DLGAP3: variants seen among roughly 807,000 people sequenced by gnomAD.
DLGAP3 encodes DLG associated protein 3, also known as disks large-associated protein 3.
Under a neutral mutation model 81.2 loss-of-function variants are expected in DLGAP3, and 17 were observed. The ratio of observed to expected loss-of-function variants is 0.21; its 90% CI spans 0.14 to 0.31. The LOEUF (loss-of-function observed/expected upper bound fraction) is 0.31. Among genes scored for constraint, DLGAP3 ranks in the 10% least tolerant of loss-of-function variants. The probability of loss-of-function intolerance (pLI) is 1.00; values close to 1 mark genes in which losing one functional copy is unlikely to be tolerated. For synonymous variants in DLGAP3, 577 were observed against 587.4 expected (o/e 0.98, Z 0.26); for missense variants, 1,124 against 1,388.0 (o/e 0.81, Z 3.02).
chr1:34,915,991 T>C (rs115444674), intron 1 of DLGAP3, among the ~76,000 whole-genome samples: 1,804 of 151,994 alleles, frequency 0.012, 34 homozygotes, highest in African/African-American at 0.041. Flanking sequence ...TTCCCCACAG[T>C]AGGGTAAAGA....
intron 8 of DLGAP3, among the ~76,000 whole-genome samples, chr1:34,870,370 G>GT (rs1476877336): frequency 2.0e-5 from 3 of 152,178 alleles, no homozygotes; most frequent in African/African-American, 7.2e-5. Flanking sequence ...AGAAAAGCCT[G>GT]TGTGTCCTGA....
intron 5 of DLGAP3, among the ~76,000 whole-genome samples, chr1:34,887,403 G>A (rs1412342798): frequency 7.1e-6 from 1 of 141,762 alleles, no homozygotes; most frequent in Non-Finnish European, 1.5e-5. Flanking sequence ...AGAATCCATG[G>A]TGTTAAAAAA....
chr1:34,887,866 A>G (rs1369041219), intron 5 of DLGAP3, among the ~76,000 whole-genome samples: 1 of 152,222 alleles, frequency 6.6e-6, no homozygotes, highest in African/African-American at 2.4e-5. Context: ...GGACTGAAAG[A>G]AAAACATGTG....
rs1639426974 is a variant in DLGAP3 at position 34,899,757 on chromosome 1, A to G, written c.1314-16T>C. ...GACACAGCAGCTGGAAAAGGGCAAA[A>G]TTCCGGAGTCAGAACAGTGGACTGC... On this transcript the variant is annotated splice_polypyrimidine_tract_variant and intron_variant, in intron 4 of 11. Transcript: ENST00000373347. 1 of 1,612,402 alleles carries G rather than the reference A, an allele frequency of 6.2e-7. No individual in the cohort carries two copies. Among genetic ancestry groups the G allele is most frequent in the Non-Finnish European group, 8.5e-7 (1 of 1,178,738 alleles).
At chr1:34,879,499 A>G (rs1461541136) in intron 8 of DLGAP3, among the ~76,000 whole-genome samples, 1 of 152,190 alleles carries the variant, frequency 6.6e-6, no homozygotes, top group African/African-American at 2.4e-5. Context: ...CAGGCCATGG[A>G]CAAATACCAG....
chr1:34,917,179 C>A (rs1457965145), intron 1 of DLGAP3, among the ~76,000 whole-genome samples: 1 of 152,118 alleles, frequency 6.6e-6, no homozygotes, highest in Non-Finnish European at 1.5e-5. Flanking sequence ...AACAGGTGTT[C>A]AGCCAGAGGC....
intron 1 of DLGAP3, among the ~76,000 whole-genome samples, chr1:34,908,934 AGTT>A (rs890463905): frequency 6.6e-5 from 10 of 152,212 alleles, no homozygotes; most frequent in African/African-American, 2.2e-4. Flanking sequence ...CCTCTCAAAT[AGTT>A]GTTGAAAAAG....
chr1:34,916,821 G>A (rs528759621), intron 1 of DLGAP3, among the ~76,000 whole-genome samples: 4 of 151,816 alleles, frequency 2.6e-5, no homozygotes, highest in East Asian at 3.9e-4. Flanking sequence ...TCAGCTTCCC[G>A]AGTAGCTGAG....
Position 34,900,916 on chromosome 1 carries a change from T to C in DLGAP3, c.1108-643A>G, listed in dbSNP as rs1339363802. On this transcript the variant is annotated intron_variant, in intron 3 of 11. Transcript: ENST00000373347. The surrounding 1 kb of genome is among the most constrained non-coding windows in gnomAD (Gnocchi z 5.6). ...GAGGAGGAGATGGAAATGAGAGGTG[T>C]TAAGGAGCATCAGTGAGCCTGATTA... 6.6e-6 allele frequency among the ~76,000 whole-genome samples: 1 copy of C among 151,354 alleles called. No individual in the cohort carries two copies. The highest frequency in any genetic ancestry group is 2.4e-5 in the African/African-American group (1 of 41,136).
chr1:34,906,834 G>A (rs899505606), intron 2 of DLGAP3, among the ~76,000 whole-genome samples: 7 of 152,200 alleles, frequency 4.6e-5, no homozygotes, highest in African/African-American at 1.7e-4. Context: ...ACAGGACAGA[G>A]AGGTCAGCTC....
rs781194450 is a variant in DLGAP3, at chr1:34,868,871, C to A, written c.2219G>T (p.Arg740Leu). The A allele has an allele frequency of 6.7e-5, 107 of 1,593,146 alleles. 1 individual carries two copies. Among genetic ancestry groups the A allele is most frequent in the Non-Finnish European group, 1.0e-5 (12 of 1,173,504 alleles). Reference protein sequence around the residue: ...TVHTQGQWAYREGYPLPYEPP... With the variant: ...TVHTQGQWAYLEGYPLPYEPP... ...CTCGTACGGCAGTGGGTAGCCCTCG[C>A]GGTAGGCCCACTGGCCCTGCGTGTG... The change falls in exon 9 of 12, where the codon CGC becomes CTC. Residue 740 changes from arginine (R) to leucine (L), a missense_variant. Around this residue, in one of 9 missense-constraint regions of DLGAP3, gnomAD observed 379 missense variants for 455.7 expected, o/e 0.83. Transcript: ENST00000373347. The surrounding 1 kb of genome is among the most constrained non-coding windows in gnomAD (Gnocchi z 7.5).
At chr1:34,928,578 T>C (rs1639908674) in intron 1 of DLGAP3, among the ~76,000 whole-genome samples, 1 of 152,098 alleles carries the variant, frequency 6.6e-6, no homozygotes, top group African/African-American at 2.4e-5. Flanking sequence ...AAGTGGGGAA[T>C]GATCTGACCT....
intron 1 of DLGAP3, among the ~76,000 whole-genome samples, chr1:34,913,867 C>G (rs1201587899): frequency 2.6e-5 from 4 of 152,178 alleles, no homozygotes; most frequent in African/African-American, 9.7e-5. Flanking sequence ...CTATACCCAG[C>G]CTTGTTCATG....
chr1:34,904,589 G>A lies in DLGAP3; in HGVS notation c.795C>T (p.Asp265=), dbSNP rs1449017562. 1 of 1,614,208 alleles carries A rather than the reference G, an allele frequency of 6.2e-7. No individual in the cohort carries two copies. The highest frequency in any genetic ancestry group is 8.5e-7 in the Non-Finnish European group (1 of 1,180,030). The part of the protein sequence containing the change: ...AKSTGWWSSD[D]NLDSDSGFLA... The stretch of plus-strand genomic sequence containing the variant: ...GGAAGCCGCTATCACTGTCCAAGTT[G>A]TCATCGGAACTCCACCAGCCTGTGG... The change falls in exon 3 of 12, where the codon GAC becomes GAT. Residue 265 remains aspartate, a synonymous_variant. Transcript: ENST00000373347. This position sits in a 1 kb window ranked among gnomAD's most constrained non-coding sequence, Gnocchi z 8.1.
At position 34,866,151 on chromosome 1, in the gene DLGAP3, G is replaced by T; in HGVS notation, c.2872C>A (p.His958Asn). The change falls in exon 12 of 12, where the codon CAC (histidine) becomes AAC (asparagine). Residue 958 changes from histidine to asparagine, a missense_variant. His to Asn is a moderately conservative substitution (Grantham distance 68). Coordinates refer to ENST00000373347, the MANE Select transcript of DLGAP3 (RefSeq NM_001080418.3). The part of the protein sequence containing the change: ...LAAKRAASFR[H>N]SSATESADSI... ...TCGGCGCTCTCGGTGGCCGAGCTGTGGCGGAAGGAAGCGGCGCGCTTGGCC... is the reference window on the plus strand; with the variant it reads ...TCGGCGCTCTCGGTGGCCGAGCTGTTGCGGAAGGAAGCGGCGCGCTTGGCC... 6.3e-7 allele frequency: 1 copy of T among 1,597,886 alleles called. No homozygotes were observed. Among genetic ancestry groups the T allele is most frequent in the Admixed American group, 1.7e-5 (1 of 59,846 alleles).
rs771067661 is a variant in DLGAP3, at chr1:34,868,891, C to T, written c.2199G>A (p.Thr733=). The change falls in exon 9 of 12, where the codon ACG becomes ACA. Residue 733 remains threonine (T), a synonymous_variant. Coordinates refer to ENST00000373347, the MANE Select transcript of DLGAP3 (RefSeq NM_001080418.3). This position sits in a 1 kb window ranked among gnomAD's most constrained non-coding sequence, Gnocchi z 7.5. ...PTYSVFRTVH[T]QGQWAYREGY... The stretch of plus-strand genomic sequence containing the variant: ...CCTCGCGGTAGGCCCACTGGCCCTG[C>T]GTGTGGACCGTGCGGAAGACTGAGT... 2.4e-5 allele frequency: 39 copies of T among 1,602,986 alleles called. No individual in the cohort carries two copies. The highest frequency in any genetic ancestry group is 2.0e-4 in the Admixed American group (12 of 59,840).
chr1:34,889,968 T>G (rs1348436339), intron 5 of DLGAP3, among the ~76,000 whole-genome samples: 3 of 152,102 alleles, frequency 2.0e-5, no homozygotes, highest in Non-Finnish European at 4.4e-5. Context: ...TGGGCCCACA[T>G]GAAGCGTGGA....
At chr1:34,890,557 T>A (rs1639296093) in intron 5 of DLGAP3, among the ~76,000 whole-genome samples, 1 of 152,242 alleles carries the variant, frequency 6.6e-6, no homozygotes, top group South Asian at 2.1e-4. Flanking sequence ...CTTTTCTTAT[T>A]CTCTTTCTCT....
chr1:34,891,245 G>A (rs1639308052), intron 5 of DLGAP3, among the ~76,000 whole-genome samples: 1 of 152,222 alleles, frequency 6.6e-6, no homozygotes, highest in Admixed American at 6.5e-5. Flanking sequence ...GGCTCCCAAT[G>A]CTATCAGTTG....
Sources: gnomAD v4.1 joint callset for allele counts (sites outside exome capture counted in the v4.1 genomes callset) on GRCh38, gnomAD v4.1.1 for gene constraint, gnomAD v4.1.1 regional missense constraint, Gnocchi (gnomAD v3.1) non-coding constraint, MANE v1.5 for transcripts, NCBI Gene and HGNC (gene_info 2026-07-23, HGNC 2026-07-21) for gene names.